Variants in WARS2 observed in about 807,000 individuals in gnomAD.
The protein encoded by WARS2 is tryptophan--tRNA ligase, mitochondrial.
In WARS2, 28 loss-of-function variants were observed where a neutral mutation model predicts 36.5. The ratio of observed to expected loss-of-function variants is 0.77; its 90% CI spans 0.57 to 1.05. The LOEUF (loss-of-function observed/expected upper bound fraction) is 1.05, where lower values mean the gene tolerates loss of function less well. WARS2 is among the 50% of genes least tolerant of loss of function. The pLI is 0.00. For missense variants in WARS2, 435 were observed against 456.8 expected, an observed-to-expected ratio of 0.95 and a Z score of 0.44; for synonymous variants, 174 against 178.4, an observed-to-expected ratio of 0.98 and a Z score of 0.20.
chr1:119,098,753 T>C (rs930802621), intron 1 of WARS2, among the ~76,000 whole-genome samples: 1 of 146,968 alleles, frequency 6.8e-6, no homozygotes, highest in Non-Finnish European at 1.5e-5. Flanking sequence ...TTATTATTTT[T>C]TAAGACAGAG....
At chr1:119,067,395 T>G (rs529521468) in intron 2 of WARS2, among the ~76,000 whole-genome samples, 35 of 152,348 alleles carry the variant, frequency 2.3e-4, no homozygotes, top group African/African-American at 8.4e-4. Context: ...GAAGCAAGTA[T>G]GCCAAAAGGC....
intron 1 of WARS2, among the ~76,000 whole-genome samples, chr1:119,084,615 A>G (rs1652479596): frequency 6.6e-6 from 1 of 152,210 alleles, no homozygotes; most frequent in African/African-American, 2.4e-5. Context: ...ATTCATTCAC[A>G]TCAAGCTGTC....
chr1:119,109,888 T>TAA (rs1654512287), intron 1 of WARS2, among the ~76,000 whole-genome samples: 1 of 151,870 alleles, frequency 6.6e-6, no homozygotes, highest in Admixed American at 6.6e-5. Context: ...TTTTTTAGCA[T>TAA]ATCTATTACA....
intron 4 of WARS2, among the ~76,000 whole-genome samples, chr1:119,038,324 G>A (rs1172008596): frequency 1.3e-5 from 2 of 152,162 alleles, no homozygotes; most frequent in African/African-American, 4.8e-5. Context: ...GGCTCAACCG[G>A]CCTCACAAAG....
At chr1:119,040,353 T>C (rs1379967118) in intron 4 of WARS2, among the ~76,000 whole-genome samples, 1 of 152,228 alleles carries the variant, frequency 6.6e-6, no homozygotes, top group Non-Finnish European at 1.5e-5. Flanking sequence ...ATTAAGAATG[T>C]AGTCATTCTT....
At chr1:119,068,491 G>A (rs988820449) in intron 2 of WARS2, among the ~76,000 whole-genome samples, 2 of 152,154 alleles carry the variant, frequency 1.3e-5, no homozygotes, top group Admixed American at 1.3e-4. Flanking sequence ...TTCCAGAGAT[G>A]CAAATCCCCC....
chr1:119,041,613 A>G (rs1648373564), intron 4 of WARS2, among the ~76,000 whole-genome samples: 1 of 152,212 alleles, frequency 6.6e-6, no homozygotes, highest in South Asian at 2.1e-4. Flanking sequence ...GGCACTAGCA[A>G]CACTTCAGGT....
In WARS2 at chr1:119,051,721, C is replaced by A. The variant is rs370939512; in HGVS notation, c.349-6059G>T. Among the ~76,000 whole-genome samples the A allele has an allele frequency of 3.1e-3, 466 of 149,988 alleles. 5 individuals carry two copies. The highest frequency in any genetic ancestry group is 0.025 in the South Asian group (118 of 4,744). Reference sequence around the variant, plus strand: ...CATCTGTTATTTTTTGATATTTTAACAATAGCCATTCAGACTGATATGAGT... The same window carrying A: ...CATCTGTTATTTTTTGATATTTTAAAAATAGCCATTCAGACTGATATGAGT... On this transcript the variant is annotated intron_variant, in intron 2 of 5. Transcript: ENST00000235521.
intron 2 of WARS2, among the ~76,000 whole-genome samples, chr1:119,060,093 A>C (rs1246416334): frequency 6.6e-6 from 1 of 152,220 alleles, no homozygotes; most frequent in African/African-American, 2.4e-5. Context: ...TAAAAGTTTA[A>C]AAGATAACAT....
In WARS2 at chr1:119,034,100, A is replaced by C. The variant is rs761005059; in HGVS notation, c.629T>G (p.Ile210Ser). The C allele has an allele frequency of 1.2e-6, 2 of 1,612,836 alleles. No homozygotes were observed. The highest frequency in any genetic ancestry group is 3.3e-5 in the Admixed American group (2 of 60,020). ...YGEFFPVPES[I>S]LTSMKKVKSL... is the part of the protein sequence containing the mutation. ...ATTATAAGTTTCTTACTTACTGAGA[A>C]TGGACTCGGGCACTGGAAAGAACTC... The change falls in exon 5 of 6, where the codon ATT (isoleucine) becomes AGT (serine). Residue 210 changes from isoleucine (I) to serine (S), a missense_variant. Ile to Ser is a moderately radical substitution (Grantham distance 142). Transcript: ENST00000235521.
intron 2 of WARS2, chr1:119,063,102 C>A (rs1650516847): frequency 6.6e-6 from 1 of 152,600 alleles, no homozygotes; most frequent in Non-Finnish European, 1.5e-5. Flanking sequence ...CAATAATGTA[C>A]AGACTGAGGT....
intron 3 of WARS2, 86 bp downstream of exon 3, chr1:119,045,496 G>A (rs1648718586): frequency 1.8e-6 from 2 of 1,131,232 alleles, no homozygotes; most frequent in Admixed American, 2.0e-5. Context: ...AGACCAGGGA[G>A]GAGAGTAAAC....
At chr1:119,057,714 C>T (rs1473981089) in intron 2 of WARS2, among the ~76,000 whole-genome samples, 3 of 151,198 alleles carry the variant, frequency 2.0e-5, no homozygotes, top group Admixed American at 1.3e-4. Flanking sequence ...TGTTTGAACC[C>T]GGGAGGCAGA....
chr1:119,054,086 T>A (rs185931042), intron 2 of WARS2, among the ~76,000 whole-genome samples: 1 of 149,828 alleles, frequency 6.7e-6, no homozygotes, highest in African/African-American at 2.4e-5. Flanking sequence ...ATAATACTAT[T>A]TAATAAATTA....
At chr1:119,134,220 T>C (rs933988957) in intron 1 of WARS2, among the ~76,000 whole-genome samples, 7 of 136,282 alleles carry the variant, frequency 5.1e-5, no homozygotes. Context: ...GTTTGGTGCA[T>C]CCACAAAGAA....
At chr1:119,046,292 T>G (rs1571268261) in intron 2 of WARS2, among the ~76,000 whole-genome samples, 1 of 47,646 alleles carries the variant, frequency 2.1e-5, no homozygotes, top group African/African-American at 1.6e-4. Context: ...TCTGTTTTTT[T>G]TTTTTTTTTT....
intron 1 of WARS2, among the ~76,000 whole-genome samples, chr1:119,129,506 C>T (rs756025983): frequency 1.8e-4 from 27 of 152,096 alleles, no homozygotes; most frequent in Non-Finnish European, 3.1e-4. Flanking sequence ...CCCAGGAGTT[C>T]GAGATCAGAC....
At chr1:119,098,738 C>A (rs1653641702) in intron 1 of WARS2, among the ~76,000 whole-genome samples, 1 of 148,614 alleles carries the variant, frequency 6.7e-6, no homozygotes, top group Admixed American at 6.8e-5. Context: ...CATGCCCGGG[C>A]TTTATTATTA....
At chr1:119,085,828 G>GC (rs1379803978) in intron 1 of WARS2, 2 of 1,610,178 alleles carry the variant, frequency 1.2e-6, no homozygotes, top group Non-Finnish European at 1.7e-6. Flanking sequence ...TCATAAGGAA[G>GC]CCCTCCCAGG....
Sources: allele counts gnomAD v4.1 joint callset (sites outside exome capture counted in the v4.1 genomes callset), GRCh38; gene constraint gnomAD v4.1.1; transcripts MANE v1.5; gene names NCBI Gene and HGNC (gene_info 2026-07-23, HGNC 2026-07-21).